Variants in CPEB3 observed in about 807,000 individuals in gnomAD.
CPEB3 encodes cytoplasmic polyadenylation element binding protein 3, also known as cytoplasmic polyadenylation element-binding protein 3.
Under a neutral mutation model 67.2 loss-of-function variants are expected in CPEB3, and 20 were observed. The observed-to-expected ratio is 0.30, with a 90% CI of 0.21 to 0.43. CPEB3 has a LOEUF of 0.43. Ranked by LOEUF, CPEB3 falls within the 20% of genes least tolerant of loss-of-function variation. CPEB3 has a pLI of 1.00. For synonymous variants in CPEB3, 376 were observed against 393.1 expected, an observed-to-expected ratio of 0.96 and a Z score of 0.51; for missense variants, 746 against 968.6, an observed-to-expected ratio of 0.77 and a Z score of 3.05.
chr10:92,206,913 T>C (rs914752124), intron 2 of CPEB3, among the ~76,000 whole-genome samples: 1 of 152,204 alleles, frequency 6.6e-6, no homozygotes, highest in Non-Finnish European at 1.5e-5. Flanking sequence ...ATTATTCATG[T>C]TTTTGCTTTC....
chr10:92,250,459 A>AG (rs1212368328), intron 1 of CPEB3, among the ~76,000 whole-genome samples: 1 of 152,138 alleles, frequency 6.6e-6, no homozygotes, highest in African/African-American at 2.4e-5. Context: ...ATTTTCTTGG[A>AG]GGGGGGTCAA....
chr10:92,152,281 GTCAC>G (rs1279888255), intron 4 of CPEB3, among the ~76,000 whole-genome samples: 2 of 152,092 alleles, frequency 1.3e-5, no homozygotes, highest in Non-Finnish European at 2.9e-5. Flanking sequence ...TCCATTAGCA[GTCAC>G]TCTTGGTTTT....
intron 2 of CPEB3, among the ~76,000 whole-genome samples, chr10:92,214,372 T>C (rs1279738946): frequency 7.2e-5 from 11 of 152,190 alleles, no homozygotes; most frequent in Admixed American, 2.6e-4. Flanking sequence ...ACTGGCAACT[T>C]TGATCTTGGA....
At chr10:92,244,870 G>A (rs1299692336) in intron 1 of CPEB3, among the ~76,000 whole-genome samples, 4 of 152,120 alleles carry the variant, frequency 2.6e-5, no homozygotes, top group East Asian at 1.9e-4. Flanking sequence ...TTCAAGAACC[G>A]GTTTGTTCAC....
intron 6 of CPEB3, among the ~76,000 whole-genome samples, chr10:92,135,998 C>A (rs1846075233): frequency 1.4e-5 from 2 of 142,514 alleles, no homozygotes; most frequent in African/African-American, 2.7e-5. Context: ...ACATCACATC[C>A]AGGGGCCTGT....
At chr10:92,287,859 C>T (rs1000004377) in intron 1 of CPEB3, among the ~76,000 whole-genome samples, 1 of 152,110 alleles carries the variant, frequency 6.6e-6, no homozygotes, top group South Asian at 2.1e-4. Context: ...GAACCTCATA[C>T]TCATTAGCAG....
intron 9 of CPEB3, among the ~76,000 whole-genome samples, chr10:92,060,224 T>C (rs1279607228): frequency 6.6e-6 from 1 of 151,712 alleles, no homozygotes; most frequent in Non-Finnish European, 1.5e-5. Context: ...CCAGGTGTGG[T>C]GGCGCACACC....
chr10:92,082,596 T>C (rs1159748735), intron 8 of CPEB3, among the ~76,000 whole-genome samples: 2 of 152,096 alleles, frequency 1.3e-5, no homozygotes, highest in East Asian at 3.8e-4. Flanking sequence ...TGCCTTTATA[T>C]TGGTATAGTT....
chr10:92,280,120 A>T (rs1842196607), intron 1 of CPEB3, among the ~76,000 whole-genome samples: 1 of 152,016 alleles, frequency 6.6e-6, no homozygotes, highest in South Asian at 2.1e-4. Flanking sequence ...AGGCAGGTGG[A>T]TCACCTGTTG....
At chr10:92,085,496 A>G (rs1843333638) in intron 8 of CPEB3, among the ~76,000 whole-genome samples, 2 of 152,242 alleles carry the variant, frequency 1.3e-5, no homozygotes, top group African/African-American at 2.4e-5. Context: ...TACTGCAGCA[A>G]TATGGAGCAT....
intron 6 of CPEB3, among the ~76,000 whole-genome samples, chr10:92,125,108 A>G (rs1368005624): frequency 2.0e-5 from 3 of 152,260 alleles, no homozygotes; most frequent in Non-Finnish European, 4.4e-5. Context: ...GGACGTATAG[A>G]ATCACCAGCA....
intron 6 of CPEB3, among the ~76,000 whole-genome samples, chr10:92,117,291 G>C (rs937470860): frequency 6.9e-6 from 1 of 145,764 alleles, no homozygotes; most frequent in African/African-American, 2.5e-5. Context: ...CAAAGTGCTG[G>C]GATTACAGGC....
intron 1 of CPEB3, among the ~76,000 whole-genome samples, chr10:92,251,213 A>G (rs1201785045): frequency 1.3e-5 from 2 of 152,182 alleles, no homozygotes; most frequent in Non-Finnish European, 1.5e-5. Context: ...GTGTAAGTAC[A>G]CTTTATGACA....
At chr10:92,158,724 G>C (rs1847324787) in intron 4 of CPEB3, among the ~76,000 whole-genome samples, 1 of 152,180 alleles carries the variant, frequency 6.6e-6, no homozygotes, top group Admixed American at 6.5e-5. Flanking sequence ...AAAGTAAAAT[G>C]AGACTAAGGC....
At chr10:92,128,817 T>C (rs1035025559) in intron 6 of CPEB3, among the ~76,000 whole-genome samples, 2 of 152,162 alleles carry the variant, frequency 1.3e-5, no homozygotes, top group African/African-American at 2.4e-5. Flanking sequence ...CTAGTCAGAA[T>C]GGCTTACTAA....
intron 7 of CPEB3, among the ~76,000 whole-genome samples, chr10:92,108,616 T>C (rs1335469808): frequency 6.6e-6 from 1 of 152,190 alleles, no homozygotes; most frequent in Non-Finnish European, 1.5e-5. Context: ...TGCTGGAAAT[T>C]CTGAGTATGC....
chr10:92,201,194 A>G lies in CPEB3; in HGVS notation c.1006-8558T>C, dbSNP rs1381295144. Among the ~76,000 whole-genome samples, 4 of 152,188 alleles carry G rather than the reference A, an allele frequency of 2.6e-5. No individual in the cohort carries two copies. The East Asian group carries it at 7.7e-4, about 29-fold the overall frequency. On this transcript the variant is annotated intron_variant, in intron 2 of 9. Transcript: ENST00000265997. ...ACCCAGGAAGGATACAGAAAGGGAA[A>G]GCAATGACTATGACGGTCAGAAGAG...
At chr10:92,267,257 A>T (rs1454143559) in intron 1 of CPEB3, among the ~76,000 whole-genome samples, 1 of 152,208 alleles carries the variant, frequency 6.6e-6, no homozygotes, top group African/African-American at 2.4e-5. Context: ...GTCTCTTGTT[A>T]CATACTCTTC....
chr10:92,176,595 A>G (rs1408977949), intron 4 of CPEB3, among the ~76,000 whole-genome samples: 3 of 152,240 alleles, frequency 2.0e-5, no homozygotes, highest in African/African-American at 7.2e-5. Flanking sequence ...TGTACCTATC[A>G]AGCAACTTTC....
Sources: allele counts gnomAD v4.1 joint callset (sites outside exome capture counted in the v4.1 genomes callset), GRCh38; gene constraint gnomAD v4.1.1; transcripts MANE v1.5; gene names NCBI Gene and HGNC (gene_info 2026-07-23, HGNC 2026-07-21).